PI15: variants seen among roughly 807,000 people sequenced by gnomAD.
PI15 encodes 25 kDa trypsin inhibitor.
PI15 carries 18 observed loss-of-function variants against 31.0 expected under a neutral mutation model. The observed-to-expected ratio is 0.58, with a 90% CI of 0.40 to 0.86. PI15 has a LOEUF of 0.86. Among genes scored for constraint, PI15 ranks in the 40% least tolerant of loss-of-function variants. PI15 has a pLI of 0.00. For missense variants in PI15, 282 were observed against 328.1 expected (o/e 0.86, Z 1.09); for synonymous variants, 118 against 119.1 (o/e 0.99, Z 0.06).
intron 2 of PI15, among the ~76,000 whole-genome samples, chr8:74,840,053 C>CT (rs535745682): frequency 1.9e-3 from 285 of 152,070 alleles, no homozygotes; most frequent in African/African-American, 6.2e-3. Context: ...ACGGATCCCA[C>CT]TTTTTTTGTT....
At chr8:74,825,670 A>C in intron 2 of PI15, 148 bp downstream of exon 2, 1 of 654,716 alleles carries the variant, frequency 1.5e-6, no homozygotes, top group Non-Finnish European at 2.6e-6. Flanking sequence ...TATGTGCCTA[A>C]TAATGTTGAG....
chr8:74,846,808 G>T (rs530893750), intron 5 of PI15, among the ~76,000 whole-genome samples: 1 of 152,136 alleles, frequency 6.6e-6, no homozygotes, highest in South Asian at 2.1e-4. Context: ...GAGAAAGAGA[G>T]AGAGGAGGAG....
chr8:74,843,446 G>C (rs1252364420), intron 2 of PI15, among the ~76,000 whole-genome samples: 1 of 152,162 alleles, frequency 6.6e-6, no homozygotes, highest in African/African-American at 2.4e-5. Flanking sequence ...AATTTTAGGA[G>C]GTCTGGAGTG....
intron 2 of PI15, among the ~76,000 whole-genome samples, chr8:74,843,602 A>G (rs1401002291): frequency 6.6e-6 from 1 of 152,128 alleles, no homozygotes; most frequent in East Asian, 1.9e-4. Context: ...GGTAGTGCGC[A>G]CCTGCAATCC....
At chr8:74,838,415 A>G (rs1810900010) in intron 2 of PI15, among the ~76,000 whole-genome samples, 1 of 152,154 alleles carries the variant, frequency 6.6e-6, no homozygotes, top group Non-Finnish European at 1.5e-5. Context: ...ACCTTTTTAA[A>G]AAGTAATGTC....
In PI15 at chr8:74,854,616, G is replaced by A. The variant is rs2128767470; in HGVS notation, c.*5363G>A. Reference sequence around the variant, plus strand: ...GTTTGTACCTGTTAGCAGTCTTTCAGTTTGGGGGAGAATTAAATACTGTGC... The same window carrying A: ...GTTTGTACCTGTTAGCAGTCTTTCAATTTGGGGGAGAATTAAATACTGTGC... On this transcript the variant is annotated 3_prime_UTR_variant, in exon 6 of 6. Transcript: ENST00000260113. 6.6e-6 allele frequency: 1 copy of A among 152,212 alleles called. No homozygotes were observed. Among genetic ancestry groups the A allele is most frequent in the African/African-American group, 2.4e-5 (1 of 41,536 alleles). The allele number at this position is 152,212 out of a possible 1,614,324, so 9.4% of individuals were successfully genotyped here.
At chr8:74,845,793 C>G (rs2128766105) in intron 5 of PI15, 1 of 299,172 alleles carries the variant, frequency 3.3e-6, no homozygotes, top group East Asian at 6.1e-5. Flanking sequence ...CTGTACCACA[C>G]AAGCTTTTAA....
intron 2 of PI15, among the ~76,000 whole-genome samples, chr8:74,840,567 A>C (rs1325837466): frequency 6.6e-6 from 1 of 152,154 alleles, no homozygotes; most frequent in Non-Finnish European, 1.5e-5. Flanking sequence ...ACCAGAGGAT[A>C]TGATGTAATT....
In PI15 at chr8:74,843,992, AAATC is replaced by A; in HGVS notation, c.286_289del (p.Asn96LeufsTer22). ...TTTTTCCCCTACAGGTTTGGGATGA[AAATC>A]TTGCAAAATCGGCAGAGGCTTGGGC... On this transcript the variant is annotated frameshift_variant, in exon 3 of 6. Transcript: ENST00000260113. LOFTEE classifies it high-confidence loss of function. The A allele has an allele frequency of 6.3e-7, 1 of 1,576,114 alleles. No individual in the cohort carries two copies. Among genetic ancestry groups the A allele is most frequent in the Non-Finnish European group, 8.7e-7 (1 of 1,145,340 alleles).
At chr8:74,830,070 T>C (rs1810759466) in intron 2 of PI15, among the ~76,000 whole-genome samples, 1 of 152,094 alleles carries the variant, frequency 6.6e-6, no homozygotes, top group African/African-American at 2.4e-5. Flanking sequence ...GCAGTGAAAG[T>C]GACCAGAGAG....
Position 74,845,147 on chromosome 8 carries a change from T to G in PI15, c.412T>G (p.Leu138Val), listed in dbSNP as rs1202429436. 1.2e-6 allele frequency: 2 copies of G among 1,613,114 alleles called. No homozygotes were observed. Among genetic ancestry groups the G allele is most frequent in the Admixed American group, 1.7e-5 (1 of 60,006 alleles). ...RTGRYRSILQLVKPWYDEVKD... is the reference protein window; with the variant it reads ...RTGRYRSILQVVKPWYDEVKD... ...ATGCAGATATCGCTCTATTCTCCAG[T>G]TGGTCAAGCCATGGTATGATGAAGT... The change falls in exon 4 of 6, where the codon TTG (leucine) becomes GTG (valine). Residue 138 changes from leucine (L) to valine (V), a missense_variant. Transcript: ENST00000260113.
chr8:74,830,735 C>T (rs1321776703), intron 2 of PI15, among the ~76,000 whole-genome samples: 3 of 152,014 alleles, frequency 2.0e-5, no homozygotes, highest in Admixed American at 2.0e-4. Flanking sequence ...CATATACCGT[C>T]CCACAAGGCG....
In PI15 at chr8:74,845,455, T is replaced by C; in HGVS notation, c.599T>C (p.Val200Ala). The C allele has an allele frequency of 6.2e-7, 1 of 1,613,930 alleles. No homozygotes were observed. The highest frequency in any genetic ancestry group is 8.5e-7 in the Non-Finnish European group (1 of 1,179,826). The change falls in exon 5 of 6, where the codon GTG becomes GCG. Residue 200 changes from valine (V) to alanine (A), a missense_variant. By Grantham distance (64) the Val-to-Ala change is moderately conservative. Coordinates refer to ENST00000260113, the MANE Select transcript of PI15 (RefSeq NM_015886.5). ...CAAAACATGAATGTTTGGGGATCTG[T>C]GTGGCGACGTGCAGTTTACTTGGTA... ...TCQNMNVWGS[V>A]WRRAVYLVCN...
intron 2 of PI15, among the ~76,000 whole-genome samples, chr8:74,841,073 G>A (rs997258883): frequency 1.5e-4 from 22 of 151,584 alleles, no homozygotes; most frequent in Non-Finnish European, 2.7e-4. Flanking sequence ...GATTACATAT[G>A]GTAAATTACT....
intron 2 of PI15, among the ~76,000 whole-genome samples, chr8:74,830,602 T>G (rs974329121): frequency 2.0e-5 from 3 of 152,180 alleles, no homozygotes; most frequent in Non-Finnish European, 4.4e-5. Context: ...TTGTTTGGGC[T>G]TCATGTGGAA....
intron 2 of PI15, among the ~76,000 whole-genome samples, chr8:74,840,602 A>C (rs564891217): frequency 2.4e-4 from 37 of 152,194 alleles, no homozygotes; most frequent in Non-Finnish European, 4.9e-4. Context: ...CTCACTACTC[A>C]AGCCAGACTT....
intron 2 of PI15, among the ~76,000 whole-genome samples, chr8:74,843,611 C>A (rs1810975895): frequency 6.6e-6 from 1 of 152,132 alleles, no homozygotes; most frequent in African/African-American, 2.4e-5. Context: ...CACCTGCAAT[C>A]CTAGCAATTT....
chr8:74,828,863 G>A (rs1445031681), intron 2 of PI15, among the ~76,000 whole-genome samples: 1 of 151,940 alleles, frequency 6.6e-6, no homozygotes, highest in Non-Finnish European at 1.5e-5. Context: ...TCCCTCTAAA[G>A]TCTCTTCCTT....
chr8:74,842,111 G>A (rs1810954473), intron 2 of PI15, among the ~76,000 whole-genome samples: 1 of 151,914 alleles, frequency 6.6e-6, no homozygotes, highest in Non-Finnish European at 1.5e-5. Flanking sequence ...TTATCCTTGA[G>A]GGAAATGAAG....
Sources: gnomAD v4.1 joint callset for allele counts (sites outside exome capture counted in the v4.1 genomes callset) on GRCh38, gnomAD v4.1.1 for gene constraint, MANE v1.5 for transcripts, NCBI Gene and HGNC (gene_info 2026-07-23, HGNC 2026-07-21) for gene names.